Variants in TRPM3 observed in about 807,000 individuals in gnomAD.
TRPM3 encodes the protein long transient receptor potential channel 3.
In TRPM3, 77 loss-of-function variants were observed where a neutral mutation model predicts 181.2. The ratio of observed to expected loss-of-function variants is 0.42; its 90% CI spans 0.35 to 0.51. The LOEUF is 0.51. Among genes scored for constraint, TRPM3 ranks in the 20% least tolerant of loss-of-function variants. The pLI is 0.01. For synonymous variants in TRPM3, 745 were observed against 796.4 expected, an observed-to-expected ratio of 0.94 and a Z score of 1.09; for missense variants, 1,759 against 2,196.7, an observed-to-expected ratio of 0.80 and a Z score of 3.98.
At chr9:71,440,578 T>C (rs1589039154) in intron 1 of TRPM3, among the ~76,000 whole-genome samples, 1 of 152,232 alleles carries the variant, frequency 6.6e-6, no homozygotes, top group South Asian at 2.1e-4. Context: ...TAAAGAGGCA[T>C]TGACTACTTT....
intron 22 of TRPM3, among the ~76,000 whole-genome samples, chr9:70,567,755 A>C (rs1381897639): frequency 4.6e-5 from 7 of 152,010 alleles, no homozygotes; most frequent in Non-Finnish European, 7.3e-5. Context: ...TGAAACAAAA[A>C]CTGTTTGCTG....
intron 1 of TRPM3, among the ~76,000 whole-genome samples, chr9:71,423,321 A>G (rs2093810070): frequency 6.6e-6 from 1 of 152,152 alleles, no homozygotes; most frequent in Admixed American, 6.6e-5. Context: ...CCCTCTAAAA[A>G]CCAATCAAAA....
intron 1 of TRPM3, among the ~76,000 whole-genome samples, chr9:71,435,612 G>C (rs2094020487): frequency 6.6e-6 from 1 of 152,186 alleles, no homozygotes; most frequent in Non-Finnish European, 1.5e-5. Flanking sequence ...ACACCTTAGA[G>C]AGAATCATTC....
chr9:71,322,213 A>G (rs2089288875), intron 1 of TRPM3, among the ~76,000 whole-genome samples: 1 of 152,096 alleles, frequency 6.6e-6, no homozygotes, highest in Non-Finnish European at 1.5e-5. Context: ...TTGAGGTTCC[A>G]TCATATGTTT....
At chr9:70,612,127 T>G (rs1209336751) in intron 18 of TRPM3, among the ~76,000 whole-genome samples, 1 of 152,232 alleles carries the variant, frequency 6.6e-6, no homozygotes, top group East Asian at 1.9e-4. Context: ...GGCTTTAAAG[T>G]GAACTGAGAC....
chr9:70,911,331 T>C (rs1371424727), intron 1 of TRPM3, among the ~76,000 whole-genome samples: 1 of 152,170 alleles, frequency 6.6e-6, no homozygotes, highest in Non-Finnish European at 1.5e-5. Context: ...TTGAACAACT[T>C]TTAAACAGTG....
At chr9:70,552,228 G>C (rs2046641969) in intron 24 of TRPM3, among the ~76,000 whole-genome samples, 1 of 152,140 alleles carries the variant, frequency 6.6e-6, no homozygotes, top group African/African-American at 2.4e-5. Context: ...GTGGAGGCTG[G>C]ATATGCCAAA....
At position 71,262,980 on chromosome 9, in the gene TRPM3, T is replaced by A. The variant is rs1490190635; in HGVS notation, c.183+183673A>T. Among the ~76,000 whole-genome samples, 3 of 152,348 alleles carry A rather than the reference T, an allele frequency of 2.0e-5. No homozygotes were observed. The East Asian group carries it at 5.8e-4, about 29-fold the overall frequency. ...TTTGGCCATCTCCTTTACCTTTAATTTCTTGATGGTAATAACTGTATTTGA... is the reference window on the plus strand; with the variant it reads ...TTTGGCCATCTCCTTTACCTTTAATATCTTGATGGTAATAACTGTATTTGA... On this transcript the variant is annotated intron_variant, in intron 1 of 24. Transcript: ENST00000357533.
intron 1 of TRPM3, among the ~76,000 whole-genome samples, chr9:71,383,195 T>A (rs910253935): frequency 6.6e-6 from 1 of 152,216 alleles, no homozygotes; most frequent in Non-Finnish European, 1.5e-5. Context: ...TACATACACA[T>A]ATATGCATAT....
rs542844561 is a variant in TRPM3 at position 70,815,682 on chromosome 9, G to A, written c.973+12165C>T. On this transcript the variant is annotated intron_variant, in intron 6 of 25. Transcript: ENST00000677713. ...TAAGGATTTTAATATTTTTCTTTTT[G>A]ATTTGTAGATACTCGGCATATTATG... 5.3e-5 allele frequency among the ~76,000 whole-genome samples: 8 copies of A among 152,120 alleles called. No individual in the cohort carries two copies. The South Asian group carries it at 1.7e-3, about 32-fold the overall frequency.
At chr9:71,387,782 T>C (rs1029554239) in intron 1 of TRPM3, among the ~76,000 whole-genome samples, 1 of 152,070 alleles carries the variant, frequency 6.6e-6, no homozygotes. Context: ...ATTAAAAATT[T>C]TAAACCAAAA....
intron 1 of TRPM3, among the ~76,000 whole-genome samples, chr9:71,086,977 C>G (rs641629): frequency 0.23 from 35,613 of 151,806 alleles, 4,927 homozygotes; most frequent in East Asian, 0.4. Context: ...CATTTTATTT[C>G]CTTATGAAAC....
At chr9:71,028,851 A>G (rs1192575539) in intron 1 of TRPM3, among the ~76,000 whole-genome samples, 1 of 152,192 alleles carries the variant, frequency 6.6e-6, no homozygotes, top group African/African-American at 2.4e-5. Flanking sequence ...CACCCCACTG[A>G]CAGTGTTAGA....
intron 9 of TRPM3, among the ~76,000 whole-genome samples, chr9:70,663,805 CTG>C: frequency 6.6e-6 from 1 of 152,314 alleles, no homozygotes; most frequent in South Asian, 2.1e-4. Context: ...CAATTCTGAT[CTG>C]TGTCTGGTTA....
chr9:70,666,339 C>T (rs59318983), intron 9 of TRPM3, among the ~76,000 whole-genome samples: 160 of 152,302 alleles, frequency 1.1e-3, no homozygotes, highest in African/African-American at 3.8e-3. Context: ...TGTGGAAGCT[C>T]CTATTTCTTG....
In TRPM3 at chr9:70,549,584, A is replaced by C; in HGVS notation, c.3665T>G (p.Phe1222Cys). ...TATCCTCTCATCATTAGATGAGTTG[A>C]ACCGATCATCCTTTTCTCTGAAGTA... ...EEYFREKDDR[F>C]NSSNDERIRV... The change falls in exon 25 of 26, where the codon TTC becomes TGC. Residue 1222 changes from phenylalanine to cysteine, a missense_variant. Physicochemically the swap from Phe to Cys is radical, Grantham distance 205. Around this residue, in one of 8 missense-constraint regions of TRPM3, gnomAD observed 96 missense variants for 129.6 expected, o/e 0.74. Transcript: ENST00000677713. The C allele has an allele frequency of 6.2e-7, 1 of 1,613,958 alleles. No individual in the cohort carries two copies. Among genetic ancestry groups the C allele is most frequent in the Non-Finnish European group, 8.5e-7 (1 of 1,179,902 alleles).
intron 8 of TRPM3, among the ~76,000 whole-genome samples, chr9:70,696,274 C>T (rs1214070436): frequency 6.6e-6 from 1 of 152,206 alleles, no homozygotes; most frequent in African/African-American, 2.4e-5. Context: ...CGATTAGGTT[C>T]AGGTTAGTCA....
At chr9:71,437,843 G>T (rs181066406) in intron 1 of TRPM3, among the ~76,000 whole-genome samples, 2 of 145,920 alleles carry the variant, frequency 1.4e-5, no homozygotes, top group Non-Finnish European at 1.5e-5. Flanking sequence ...ACTCCAGCCC[G>T]GGCAAAAGAG....
chr9:70,595,707 C>A (rs887060403), intron 21 of TRPM3, among the ~76,000 whole-genome samples: 4 of 152,176 alleles, frequency 2.6e-5, no homozygotes, highest in Admixed American at 6.5e-5. Context: ...GATCCTACCT[C>A]CTGAGCCCTA....
Sources: gnomAD v4.1 joint callset for allele counts (sites outside exome capture counted in the v4.1 genomes callset) on GRCh38, gnomAD v4.1.1 for gene constraint, gnomAD v4.1.1 regional missense constraint, MANE v1.5 for transcripts, NCBI Gene and HGNC (gene_info 2026-07-23, HGNC 2026-07-21) for gene names.